The following CFAP90 variants were observed in gnomAD, a reference collection of about 807,000 sequenced individuals.
The protein encoded by CFAP90 is cilia- and flagella-associated protein 90.
chr5:7,845,980 AG>A, the CFAP90 span, among the ~76,000 whole-genome samples: 1 of 128,920 alleles, frequency 7.8e-6, no homozygotes, highest in Non-Finnish European at 1.7e-5. Flanking sequence ...AACGAGGGTC[AG>A]GGATATGAGG....
the CFAP90 span, among the ~76,000 whole-genome samples, chr5:7,833,446 A>G: frequency 6.6e-6 from 1 of 151,306 alleles, no homozygotes; most frequent in African/African-American, 2.5e-5. Context: ...ACACACATTC[A>G]CAAGCAGGCA....
chr5:7,843,117 C>A, the CFAP90 span, among the ~76,000 whole-genome samples: 2 of 152,126 alleles, frequency 1.3e-5, no homozygotes, highest in East Asian at 3.9e-4. Flanking sequence ...GGATAAACAA[C>A]CTAATTTTAA....
chr5:7,845,294 C>T, the CFAP90 span, among the ~76,000 whole-genome samples: 1 of 152,182 alleles, frequency 6.6e-6, no homozygotes, highest in East Asian at 1.9e-4. Flanking sequence ...GGACTTATTG[C>T]TAAACCATAT....
At chr5:7,845,126 A>G in the CFAP90 span, among the ~76,000 whole-genome samples, 1 of 152,114 alleles carries the variant, frequency 6.6e-6, no homozygotes, top group Non-Finnish European at 1.5e-5. Context: ...GAGAGAGAGC[A>G]AAGAGGGAAG....
chr5:7,850,759 C>G, the CFAP90 span: 2 of 1,125,914 alleles, frequency 1.8e-6, no homozygotes, highest in Non-Finnish European at 2.2e-6. Flanking sequence ...TCCCTTCTCC[C>G]CCGCCCCTCC....
At chr5:7,839,420 CTGAG>C in the CFAP90 span, among the ~76,000 whole-genome samples, 1 of 152,328 alleles carries the variant, frequency 6.6e-6, no homozygotes, top group East Asian at 1.9e-4. Flanking sequence ...CCCTCCTGAA[CTGAG>C]TGAGCCCCCA....
the CFAP90 span, among the ~76,000 whole-genome samples, chr5:7,844,010 G>C: frequency 6.6e-6 from 1 of 152,044 alleles, no homozygotes; most frequent in African/African-American, 2.4e-5. Context: ...CCTCACTCTC[G>C]GTGTTTCGTA....
At chr5:7,844,745 T>G in the CFAP90 span, among the ~76,000 whole-genome samples, 2 of 152,100 alleles carry the variant, frequency 1.3e-5, no homozygotes, top group Non-Finnish European at 2.9e-5. Flanking sequence ...GACAGGCAGA[T>G]CAGCAACAGA....
At chr5:7,835,190 G>A in the CFAP90 span, among the ~76,000 whole-genome samples, 4 of 152,160 alleles carry the variant, frequency 2.6e-5, no homozygotes, top group Admixed American at 1.3e-4. Flanking sequence ...CACAGAGATA[G>A]GAAGTGAGCA....
chr5:7,844,790 G>A, the CFAP90 span, among the ~76,000 whole-genome samples: 1 of 152,132 alleles, frequency 6.6e-6, no homozygotes, highest in African/African-American at 2.4e-5. Context: ...CCCCCTTGGA[G>A]TGGCTGAGTG....
chr5:7,838,841 C>T, the CFAP90 span, among the ~76,000 whole-genome samples: 1 of 152,172 alleles, frequency 6.6e-6, no homozygotes, highest in Non-Finnish European at 1.5e-5. Flanking sequence ...CCTCCTGCAC[C>T]CTGAGAACCT....
At chr5:7,836,111 C>G in the CFAP90 span, among the ~76,000 whole-genome samples, 1 of 152,102 alleles carries the variant, frequency 6.6e-6, no homozygotes, top group East Asian at 1.9e-4. Flanking sequence ...AGGCCTAATC[C>G]CCTCCCAAAG....
chr5:7,837,874 T>C, the CFAP90 span, among the ~76,000 whole-genome samples: 1 of 152,218 alleles, frequency 6.6e-6, no homozygotes, highest in Admixed American at 6.5e-5. Flanking sequence ...TCTAATCCGC[T>C]TGAAGGAGGA....
the CFAP90 span, chr5:7,831,512 C>G: frequency 5.2e-6 from 1 of 192,798 alleles, no homozygotes; most frequent in African/African-American, 2.3e-5. Flanking sequence ...GAAACCAACC[C>G]AACAGTTACC....
At chr5:7,832,743 C>T in the CFAP90 span, among the ~76,000 whole-genome samples, 3 of 152,198 alleles carry the variant, frequency 2.0e-5, no homozygotes, top group Non-Finnish European at 4.4e-5. Flanking sequence ...CCACCTCGGC[C>T]TCCCAAAGTG....
At chr5:7,849,841 G>T in the CFAP90 span, among the ~76,000 whole-genome samples, 7 of 152,154 alleles carry the variant, frequency 4.6e-5, no homozygotes, top group South Asian at 1.0e-3. Context: ...CCCGCGCCCT[G>T]GACCATCCGG....
the CFAP90 span, among the ~76,000 whole-genome samples, chr5:7,838,429 C>A: frequency 1.3e-5 from 2 of 152,188 alleles, no homozygotes; most frequent in South Asian, 4.1e-4. Context: ...TGCTGGCCTG[C>A]AGAGGCTAAG....
chr5:7,845,785 T>G, the CFAP90 span, among the ~76,000 whole-genome samples: 1 of 152,024 alleles, frequency 6.6e-6, no homozygotes, highest in Non-Finnish European at 1.5e-5. Flanking sequence ...CCGATCACAT[T>G]TTTGCTGGCA....
the CFAP90 span, among the ~76,000 whole-genome samples, chr5:7,838,317 A>G: frequency 1.1e-5 from 1 of 90,536 alleles, no homozygotes; most frequent in Non-Finnish European, 2.2e-5. Flanking sequence ...CTTATCAAAT[A>G]AAATGAAAAC....
Sources: allele counts gnomAD v4.1 joint callset (sites outside exome capture counted in the v4.1 genomes callset), GRCh38; gene constraint gnomAD v4.1.1; transcripts MANE v1.5; gene names NCBI Gene and HGNC (gene_info 2026-07-23, HGNC 2026-07-21).